Variants in PAQR5 observed in about 807,000 individuals in gnomAD.
PAQR5 encodes the protein progestin and adipoQ receptor family member 5.
A neutral mutation model predicts 34.5 loss-of-function variants in PAQR5; 20 were observed. The ratio of observed to expected loss-of-function variants is 0.58; its 90% confidence interval spans 0.41 to 0.84. The LOEUF (loss-of-function observed/expected upper bound fraction) is 0.84. PAQR5 is among the 40% of genes least tolerant of loss of function. PAQR5 has a pLI of 0.00. For synonymous variants in PAQR5, 131 were observed against 155.6 expected (o/e 0.84, Z 1.18); for missense variants, 378 against 412.7 (o/e 0.92, Z 0.73).
At chr15:69,329,626 A>G (rs998887569) in intron 1 of PAQR5, among the ~76,000 whole-genome samples, 6 of 151,712 alleles carry the variant, frequency 4.0e-5, no homozygotes, top group Non-Finnish European at 8.8e-5. Context: ...CTGGGACTAC[A>G]GGTGTATGCC....
chr15:69,316,543 C>T (rs151216708), intron 1 of PAQR5, among the ~76,000 whole-genome samples: 3 of 149,202 alleles, frequency 2.0e-5, no homozygotes, highest in South Asian at 2.2e-4. Flanking sequence ...ATTGGGTTAG[C>T]GGGAAAAATA....
chr15:69,341,837 AGGAGGCTGAGGTG>A (rs1366539933), intron 2 of PAQR5, among the ~76,000 whole-genome samples: 1 of 149,864 alleles, frequency 6.7e-6, no homozygotes, highest in Non-Finnish European at 1.5e-5. Flanking sequence ...CCAGATACTT[AGGAGGCTGAGGTG>A]GGAGGATCAC....
intron 6 of PAQR5, chr15:69,391,866 G>T: frequency 2.7e-6 from 1 of 374,510 alleles, no homozygotes; most frequent in East Asian, 7.7e-5. Context: ...AGACCAGCCT[G>T]GCCAATGTGG....
In PAQR5 at chr15:69,382,190, C is replaced by G. The variant is rs185467280; in HGVS notation, c.179+2180C>G. ...TGGGGCATTGCTTCTATTTGAGGAG[C>G]CTTCCTACAAGAGGGACATAGACAA... On this transcript the variant is annotated intron_variant, in intron 4 of 8. Coordinates refer to ENST00000395407, the MANE Select transcript of PAQR5 (RefSeq NM_017705.4). Among the ~76,000 whole-genome samples the G allele has an allele frequency of 3.5e-3, 536 of 152,172 alleles. 3 individuals are homozygous for G. The highest frequency in any genetic ancestry group is 0.012 in the African/African-American group (490 of 41,498).
At chr15:69,357,120 G>A (rs1041930124) in intron 2 of PAQR5, among the ~76,000 whole-genome samples, 2 of 151,688 alleles carry the variant, frequency 1.3e-5, no homozygotes, top group Non-Finnish European at 1.5e-5. Context: ...CTACTCCTTC[G>A]CCTTCCGCTA....
intron 1 of PAQR5, among the ~76,000 whole-genome samples, chr15:69,300,568 T>C (rs2053511114): frequency 6.8e-6 from 1 of 146,848 alleles, no homozygotes; most frequent in African/African-American, 2.5e-5. Context: ...CTTTTCTTTC[T>C]TTCTCTTTCT....
chr15:69,364,739 A>T (rs919073897), intron 3 of PAQR5, among the ~76,000 whole-genome samples: 10 of 150,520 alleles, frequency 6.6e-5, no homozygotes, highest in Non-Finnish European at 1.5e-4. Context: ...TTCCCTCATA[A>T]TTTTTTTTAT....
chr15:69,324,991 C>T (rs1438038272), intron 1 of PAQR5, among the ~76,000 whole-genome samples: 2 of 151,916 alleles, frequency 1.3e-5, no homozygotes, highest in Non-Finnish European at 2.9e-5. Flanking sequence ...CTCTTCCTCC[C>T]AGGCTCAAGT....
chr15:69,309,277 G>A (rs951354548), intron 1 of PAQR5, among the ~76,000 whole-genome samples: 1 of 152,176 alleles, frequency 6.6e-6, no homozygotes, highest in Non-Finnish European at 1.5e-5. Context: ...GTGGAGGACC[G>A]TATGGAGAAT....
intron 2 of PAQR5, among the ~76,000 whole-genome samples, chr15:69,343,883 G>T (rs1027575783): frequency 3.9e-5 from 6 of 152,192 alleles, no homozygotes; most frequent in African/African-American, 1.4e-4. Context: ...CAGCACAGTG[G>T]AAGATTCAGG....
intron 2 of PAQR5, among the ~76,000 whole-genome samples, chr15:69,346,724 C>A (rs1234328930): frequency 6.6e-6 from 1 of 151,750 alleles, no homozygotes; most frequent in Non-Finnish European, 1.5e-5. Context: ...CAGGTTCAAG[C>A]AATTCTCCTG....
At chr15:69,377,878 G>A (rs994356105) in intron 3 of PAQR5, among the ~76,000 whole-genome samples, 7 of 152,180 alleles carry the variant, frequency 4.6e-5, no homozygotes, top group African/African-American at 9.6e-5. Context: ...CTCTAATCCC[G>A]GCACTTTAGG....
At chr15:69,348,893 A>G (rs2054841021) in intron 2 of PAQR5, among the ~76,000 whole-genome samples, 1 of 152,090 alleles carries the variant, frequency 6.6e-6, no homozygotes, top group South Asian at 2.1e-4. Flanking sequence ...TCACCGTGCC[A>G]CTCGAACTTT....
intron 1 of PAQR5, among the ~76,000 whole-genome samples, chr15:69,313,403 G>A (rs1366808941): frequency 6.6e-6 from 1 of 152,126 alleles, no homozygotes. Flanking sequence ...AGGGGGCTGA[G>A]GTGGAAGGAT....
In PAQR5 at chr15:69,350,168, C is replaced by T. The variant is rs143506973; in HGVS notation, c.-115-9798C>T. Among the ~76,000 whole-genome samples the T allele has an allele frequency of 3.5e-4, 53 of 152,344 alleles. No homozygotes were observed. In the East Asian group the frequency reaches 4.6e-3, roughly 13 times the overall value. ...GCCGCGTGGCGGCACTCAGCTCCAA[C>T]GGCAAAGTGGGTATAGTTATGGTTG... On this transcript the variant is annotated intron_variant, in intron 2 of 8. Coordinates refer to ENST00000395407, the MANE Select transcript of PAQR5 (RefSeq NM_017705.4).
chr15:69,401,854 T>C (rs1488726721), intron 8 of PAQR5, among the ~76,000 whole-genome samples: 1 of 152,162 alleles, frequency 6.6e-6, no homozygotes, highest in African/African-American at 2.4e-5. Context: ...CTAGGACACA[T>C]TTATTGAATA....
Position 69,403,730 on chromosome 15 carries a change from C to G in PAQR5, c.901C>G (p.Leu301Val). The G allele has an allele frequency of 6.2e-7, 1 of 1,614,198 alleles. No individual in the cohort carries two copies. Among genetic ancestry groups the G allele is most frequent in the Non-Finnish European group, 8.5e-7 (1 of 1,180,022 alleles). ...SFSQIAGAIL[L>V]CIIFSLSNII... ...CTCTCAGATAGCTGGAGCCATACTT[C>G]TGTGCATCATCTTCAGCCTCAGCAA... The change falls in exon 9 of 9, where the codon CTG (leucine) becomes GTG (valine). Residue 301 changes from leucine to valine, a missense_variant. Coordinates refer to ENST00000395407, the MANE Select transcript of PAQR5 (RefSeq NM_017705.4).
intron 1 of PAQR5, among the ~76,000 whole-genome samples, chr15:69,334,862 G>A (rs1006536999): frequency 6.6e-6 from 1 of 152,184 alleles, no homozygotes; most frequent in Non-Finnish European, 1.5e-5. Flanking sequence ...TTTAAGCAAA[G>A]GGAAAGGGGT....
At position 69,389,716 on chromosome 15, in the gene PAQR5, G is replaced by A. The variant is rs750064473; in HGVS notation, c.448G>A (p.Asp150Asn). The change falls in exon 6 of 9, where the codon GAC becomes AAC. Residue 150 changes from aspartate (D) to asparagine (N), a missense_variant. By Grantham distance (23) the Asp-to-Asn change is conservative. Transcript: ENST00000395407. ...TGCGCTCATGTGCACCACTTTCCAT[G>A]ACTACTACGTGGCCCTGGCTGTACT... ...PDALMCTTFH[D>N]YYVALAVLNT... 5 of 1,614,138 alleles carry A rather than the reference G, an allele frequency of 3.1e-6. No individual in the cohort carries two copies. The South Asian group carries it at 5.5e-5, about 18-fold the overall frequency.
Sources: allele counts gnomAD v4.1 joint callset (sites outside exome capture counted in the v4.1 genomes callset), GRCh38; gene constraint gnomAD v4.1.1; transcripts MANE v1.5; gene names NCBI Gene and HGNC (gene_info 2026-07-23, HGNC 2026-07-21).